The following ABL1 variants were observed in gnomAD, a reference collection of about 807,000 sequenced individuals.
ABL1 encodes tyrosine-protein kinase ABL1.
ABL1 carries 11 observed loss-of-function variants against 94.7 expected under a neutral mutation model. The ratio of observed to expected loss-of-function variants is 0.12; its 90% CI spans 0.07 to 0.19. The LOEUF is 0.19. ABL1 is among the 10% of genes least tolerant of loss of function. ABL1 has a pLI of 1.00. For missense variants in ABL1, 1,082 were observed against 1,489.4 expected (o/e 0.73, Z 4.50); for synonymous variants, 656 against 622.4 (o/e 1.05, Z -0.80).
upstream of ABL1, among the ~76,000 whole-genome samples, chr9:130,832,323 C>T (rs975944735): frequency 2.2e-5 from 3 of 137,374 alleles, no homozygotes; most frequent in African/African-American, 6.0e-5. Context: ...TGGGGTTTCA[C>T]CATCTCAAAA....
chr9:130,807,406 A>AT (rs1830140042), intron 1 of ABL1, among the ~76,000 whole-genome samples: 1 of 151,208 alleles, frequency 6.6e-6, no homozygotes, highest in Admixed American at 6.6e-5. Flanking sequence ...TGCTTGACTA[A>AT]TTTTTGTATT....
intron 1 of ABL1, among the ~76,000 whole-genome samples, chr9:130,771,779 A>C (rs1832256622): frequency 1.5e-5 from 1 of 64,742 alleles, no homozygotes; most frequent in Non-Finnish European, 3.3e-5. Flanking sequence ...TTTGAGACAG[A>C]GTCTTACTCT....
intron 1 of ABL1, among the ~76,000 whole-genome samples, chr9:130,762,572 C>T (rs1286749999): frequency 1.3e-5 from 2 of 152,078 alleles, no homozygotes; most frequent in Non-Finnish European, 1.5e-5. Context: ...TACTGATACT[C>T]CTGCTTTCAG....
intron 1 of ABL1, among the ~76,000 whole-genome samples, chr9:130,838,228 A>G (rs988432934): frequency 1.3e-5 from 2 of 152,164 alleles, no homozygotes; most frequent in South Asian, 2.1e-4. Context: ...AACTCATGCT[A>G]TCTGGCTTGG....
chr9:130,786,027 A>G (rs771272282), intron 1 of ABL1, among the ~76,000 whole-genome samples: 1 of 152,024 alleles, frequency 6.6e-6, no homozygotes, highest in Non-Finnish European at 1.5e-5. Context: ...ATAAAAGAAA[A>G]TGGAAAATGT....
chr9:130,769,296 C>G (rs1384740124), intron 1 of ABL1, among the ~76,000 whole-genome samples: 1 of 135,408 alleles, frequency 7.4e-6, no homozygotes, highest in Non-Finnish European at 1.6e-5. Flanking sequence ...ACTTCTTTAG[C>G]TTTAATTTGG....
At position 130,872,098 on chromosome 9, in the gene ABL1, T is replaced by C. The variant is rs1472714509; in HGVS notation, c.823-31T>C. On this transcript the variant is annotated intron_variant, in intron 4 of 10. Transcript: ENST00000318560. The surrounding 1 kb of genome is among the most constrained non-coding windows in gnomAD (Gnocchi z 5.0). ...ACCCACTGAAAAGCACTTCCTGAAATAATTTCACCTTCGTTTTTTTCCTTC... is the reference window on the plus strand; with the variant it reads ...ACCCACTGAAAAGCACTTCCTGAAACAATTTCACCTTCGTTTTTTTCCTTC... 6.2e-7 allele frequency: 1 copy of C among 1,606,438 alleles called. No homozygotes were observed. Among genetic ancestry groups the C allele is most frequent in the Admixed American group, 1.7e-5 (1 of 59,830 alleles).
In ABL1 at chr9:130,715,022, A is replaced by G. The variant is rs34727284; in HGVS notation, c.136+567A>G. On this transcript the variant is annotated intron_variant, in intron 1 of 10. Coordinates refer to the ABL1 transcript ENST00000372348. ...AGTGGGGAAGCAGCATTCCTTGTGA[A>G]TTTTAGATAGACAGCTTCTGTCTTA... 6.9e-3 allele frequency among the ~76,000 whole-genome samples: 1,048 copies of G among 152,294 alleles called. 6 individuals carry two copies. Among genetic ancestry groups the G allele is most frequent in the Non-Finnish European group, 0.012 (818 of 68,030 alleles).
intron 1 of ABL1, among the ~76,000 whole-genome samples, chr9:130,838,684 T>C (rs919428195): frequency 6.6e-6 from 1 of 152,352 alleles, no homozygotes; most frequent in African/African-American, 2.4e-5. Context: ...CGGTCTACTT[T>C]GAACACTGAA....
In ABL1 at chr9:130,863,070, T is replaced by A; in HGVS notation, c.822+35T>A. 3 of 1,555,486 alleles carry A rather than the reference T, an allele frequency of 1.9e-6. No individual in the cohort carries two copies. The highest frequency in any genetic ancestry group is 2.6e-6 in the Non-Finnish European group (3 of 1,147,442). ...GACTGCCGGGGGTGCCCAGGGTACG[T>A]GGGGCAAGGCGTCTGCTGGCATTAG... On this transcript the variant is annotated intron_variant, in intron 4 of 10. Coordinates refer to ENST00000318560, the MANE Select transcript of ABL1 (RefSeq NM_005157.6). The surrounding 1 kb of genome is among the most constrained non-coding windows in gnomAD (Gnocchi z 4.3).
At position 130,848,329 on chromosome 9, in the gene ABL1, C is replaced by T. The variant is rs575772610; in HGVS notation, c.80-5735C>T. Among the ~76,000 whole-genome samples the T allele has an allele frequency of 4.9e-5, 7 of 141,618 alleles. No individual in the cohort carries two copies. In the South Asian group the frequency reaches 6.8e-4, roughly 14 times the overall value. The allele number at this position is 141,618 out of a possible 152,430, so 92.9% of individuals were successfully genotyped here. On this transcript the variant is annotated intron_variant, in intron 1 of 10. Transcript: ENST00000318560. ...CAGCCTGGCCAACATGGCAAAACCC[C>T]GTCTCTACTGAAAATGAAAAAAAAA...
intron 1 of ABL1, among the ~76,000 whole-genome samples, chr9:130,804,310 A>T (rs1047563930): frequency 1.6e-5 from 2 of 125,744 alleles, no homozygotes; most frequent in African/African-American, 7.5e-5. Context: ...CAGTGAGCTC[A>T]CACCAGTGGC....
chr9:130,856,537 G>C (rs538427677), intron 3 of ABL1, among the ~76,000 whole-genome samples: 1 of 152,224 alleles, frequency 6.6e-6, no homozygotes, highest in South Asian at 2.1e-4. Flanking sequence ...TTTTTAAATA[G>C]TATGTAATGC....
chr9:130,759,514 G>C lies in ABL1; in HGVS notation c.136+45059G>C, dbSNP rs80157913. Among the ~76,000 whole-genome samples the C allele has an allele frequency of 5.4e-4, 82 of 152,276 alleles. 1 individual carries two copies. The East Asian group carries it at 0.011, about 21-fold the overall frequency. On this transcript the variant is annotated intron_variant, in intron 1 of 10. Coordinates refer to the ABL1 transcript ENST00000372348. ...TCTAACATCATTTTCACAGTCTAAA[G>C]TAAACATAAACAGCAAGGAATAAGT...
intron 1 of ABL1, among the ~76,000 whole-genome samples, chr9:130,720,578 C>T (rs1326693919): frequency 6.6e-6 from 1 of 152,062 alleles, no homozygotes; most frequent in African/African-American, 2.4e-5. Context: ...GCCTTATTGG[C>T]CCATTTCAAG....
chr9:130,716,793 C>T (rs1051483205), intron 1 of ABL1, among the ~76,000 whole-genome samples: 11 of 151,722 alleles, frequency 7.3e-5, no homozygotes, highest in African/African-American at 1.9e-4. Context: ...TCTTGTCGCC[C>T]GGGCTGGAGT....
chr9:130,787,553 G>C (rs1427852835), intron 1 of ABL1, among the ~76,000 whole-genome samples: 1 of 152,174 alleles, frequency 6.6e-6, no homozygotes, highest in Non-Finnish European at 1.5e-5. Context: ...CCTTCCCCCA[G>C]TGGATTACGG....
chr9:130,767,769 TCA>T (rs1031638703), intron 1 of ABL1, among the ~76,000 whole-genome samples: 46 of 151,846 alleles, frequency 3.0e-4, no homozygotes, highest in African/African-American at 1.1e-3. Flanking sequence ...GTGTGCACAC[TCA>T]CACACACGTA....
chr9:130,875,944 C>T (rs918774664), intron 7 of ABL1, among the ~76,000 whole-genome samples: 2 of 152,220 alleles, frequency 1.3e-5, no homozygotes, highest in African/African-American at 2.4e-5. Flanking sequence ...TCTCCTGCCT[C>T]AGCCTCCTGA....
Sources: gnomAD v4.1 joint callset for allele counts (sites outside exome capture counted in the v4.1 genomes callset) on GRCh38, gnomAD v4.1.1 for gene constraint, Gnocchi (gnomAD v3.1) non-coding constraint, MANE v1.5 for transcripts, NCBI Gene and HGNC (gene_info 2026-07-23, HGNC 2026-07-21) for gene names.